CDC73: variants seen among roughly 807,000 people sequenced by gnomAD.
CDC73 encodes parafibromin.
A neutral mutation model predicts 83.7 loss-of-function variants in CDC73; 21 were observed. That is an observed-to-expected ratio of 0.25 (90% CI 0.18 to 0.36). CDC73 has a LOEUF of 0.36. Ranked by LOEUF, CDC73 falls within the 10% of genes least tolerant of loss-of-function variation. CDC73 has a pLI of 1.00. For synonymous variants in CDC73, 224 were observed against 212.9 expected, an observed-to-expected ratio of 1.05 and a Z score of -0.45; for missense variants, 342 against 653.3, an observed-to-expected ratio of 0.52 and a Z score of 5.19.
In CDC73 at chr1:193,185,065, C is replaced by T. The variant is rs566850799; in HGVS notation, c.973-18730C>T. ...TGTGCCCTGCACACACATATAGTGG[C>T]GGTAGTTCATTACTGCATATTAATA... On this transcript the variant is annotated intron_variant, in intron 10 of 16. Coordinates refer to ENST00000367435, the MANE Select transcript of CDC73 (RefSeq NM_024529.5). Among the ~76,000 whole-genome samples, 48 of 152,002 alleles carry T rather than the reference C, an allele frequency of 3.2e-4. 1 individual carries two copies. Among genetic ancestry groups the T allele is most frequent in the African/African-American group, 9.6e-4 (40 of 41,530 alleles).
At chr1:193,125,393 G>A (rs375074777) in intron 2 of CDC73, among the ~76,000 whole-genome samples, 176 bp downstream of exon 2, 75 of 152,128 alleles carry the variant, frequency 4.9e-4, no homozygotes, top group African/African-American at 1.7e-3. Flanking sequence ...AAGTAGCCAG[G>A]ACTGCAGGCC....
At chr1:193,141,368 G>A (rs758540732) in intron 6 of CDC73, among the ~76,000 whole-genome samples, 13 of 152,124 alleles carry the variant, frequency 8.5e-5, no homozygotes, top group Non-Finnish European at 1.6e-4. Context: ...GTATGTTTTT[G>A]TGGCATATAA....
chr1:193,173,614 G>A (rs769011852), intron 10 of CDC73, among the ~76,000 whole-genome samples: 4 of 152,090 alleles, frequency 2.6e-5, no homozygotes, highest in Non-Finnish European at 2.9e-5. Context: ...CATAAATTGC[G>A]TTTAGTTGTT....
At chr1:193,193,023 A>G (rs1676945027) in intron 10 of CDC73, among the ~76,000 whole-genome samples, 1 of 152,178 alleles carries the variant, frequency 6.6e-6, no homozygotes, top group Non-Finnish European at 1.5e-5. Flanking sequence ...CCGGCCTTCC[A>G]AGAAGGTTTG....
intron 10 of CDC73, among the ~76,000 whole-genome samples, chr1:193,176,936 G>C (rs1034183674): frequency 1.3e-5 from 2 of 152,136 alleles, no homozygotes; most frequent in African/African-American, 4.8e-5. Flanking sequence ...AGAAGCAAGA[G>C]ATAAGCAGTA....
chr1:193,215,409 AT>A, intron 13 of CDC73, among the ~76,000 whole-genome samples: 1 of 152,292 alleles, frequency 6.6e-6, no homozygotes, highest in Middle Eastern at 3.4e-3. Flanking sequence ...TACCTCTGCC[AT>A]TTAGTTGCAG....
intron 15 of CDC73, among the ~76,000 whole-genome samples, chr1:193,237,264 T>C (rs1677777579): frequency 6.6e-6 from 1 of 152,110 alleles, no homozygotes; most frequent in African/African-American, 2.4e-5. Flanking sequence ...CCATCATTTT[T>C]CCTTAGAAAA....
chr1:193,128,993 ATTTTTTTTT>A (rs756040512), intron 2 of CDC73, among the ~76,000 whole-genome samples: 3 of 128,940 alleles, frequency 2.3e-5, no homozygotes, highest in Non-Finnish European at 4.9e-5. Flanking sequence ...CGCCCGGCTA[ATTTTTTTTT>A]TTTTTTTTTT....
chr1:193,135,301 A>G, intron 3 of CDC73, 90 bp from the exon 4 acceptor site: 2 of 1,044,670 alleles, frequency 1.9e-6, no homozygotes, highest in Non-Finnish European at 3.0e-6. Flanking sequence ...ATATAGAAGT[A>G]TATAAAAAAC....
chr1:193,244,065 G>A (rs542215955), intron 15 of CDC73, among the ~76,000 whole-genome samples: 2 of 152,204 alleles, frequency 1.3e-5, no homozygotes, highest in South Asian at 4.1e-4. Context: ...TAAAAAATTG[G>A]GGGGAAAAAG....
intron 15 of CDC73, among the ~76,000 whole-genome samples, chr1:193,243,630 A>G (rs191878244): frequency 2.0e-3 from 310 of 152,302 alleles, no homozygotes; most frequent in African/African-American, 7.2e-3. Flanking sequence ...CAGAATGGAA[A>G]TGATTAAAAT....
intron 3 of CDC73, among the ~76,000 whole-genome samples, chr1:193,130,696 C>T (rs999153663): frequency 6.6e-6 from 1 of 152,152 alleles, no homozygotes; most frequent in African/African-American, 2.4e-5. Flanking sequence ...TTGTTTCTTT[C>T]TTGAAGCCAC....
At chr1:193,171,006 C>T (rs1676509454) in intron 10 of CDC73, among the ~76,000 whole-genome samples, 2 of 152,190 alleles carry the variant, frequency 1.3e-5, no homozygotes, top group South Asian at 4.1e-4. Flanking sequence ...GTTTACCCCT[C>T]CAGAGAAAAG....
intron 13 of CDC73, among the ~76,000 whole-genome samples, chr1:193,213,175 C>T (rs1457785200): frequency 2.0e-5 from 3 of 152,088 alleles, no homozygotes; most frequent in Non-Finnish European, 1.5e-5. Flanking sequence ...AATATTGTGA[C>T]TATTTTTAAA....
At position 193,254,125 on chromosome 1, in the gene CDC73, A is replaced by G. The variant is rs1403810676; in HGVS notation, c.*3413A>G. 6.6e-6 allele frequency among the ~76,000 whole-genome samples: 1 copy of G among 151,826 alleles called. No individual in the cohort carries two copies. The highest frequency in any genetic ancestry group is 1.5e-5 in the Non-Finnish European group (1 of 67,850). On this transcript the variant is annotated 3_prime_UTR_variant, in exon 17 of 17. Transcript: ENST00000367435. ...TTATGAGTAAGATAAGTCTTTTTAA[A>G]TTTTTTATTTTTAATTTTTTTGGAA...
chr1:193,232,625 G>A (rs898040118), intron 13 of CDC73, among the ~76,000 whole-genome samples: 1 of 152,086 alleles, frequency 6.6e-6, no homozygotes, highest in Non-Finnish European at 1.5e-5. Context: ...ATTTCAGACC[G>A]GGCGTGGTGG....
Position 193,150,331 on chromosome 1 carries a change from A to G in CDC73, c.856A>G (p.Ile286Val), listed in dbSNP as rs1362923384. ...TCCCACTTTGCGCACCAAACAGCCTATCCCAGCTGCCTATAACAGATACGA... is the reference window on the plus strand; with the variant it reads ...TCCCACTTTGCGCACCAAACAGCCTGTCCCAGCTGCCTATAACAGATACGA... ...VDPTLRTKQP[I>V]PAAYNRYDQE... Residue 286 changes from isoleucine (I) to valine (V), a missense_variant, in exon 9 of 17, where the codon ATC becomes GTC. By Grantham distance (29) the Ile-to-Val change is conservative. Transcript: ENST00000367435. The G allele has an allele frequency of 2.5e-6, 4 of 1,613,388 alleles. No homozygotes were observed. Among genetic ancestry groups the G allele is most frequent in the Admixed American group, 3.3e-5 (2 of 60,016 alleles).
At chr1:193,193,061 C>T (rs889733555) in intron 10 of CDC73, among the ~76,000 whole-genome samples, 35 of 152,246 alleles carry the variant, frequency 2.3e-4, no homozygotes, top group Middle Eastern at 6.8e-3. Context: ...TATAATTTCT[C>T]CCACCACCCT....
At chr1:193,128,316 C>T (rs981923682) in intron 2 of CDC73, among the ~76,000 whole-genome samples, 10 of 151,516 alleles carry the variant, frequency 6.6e-5, no homozygotes, top group African/African-American at 1.9e-4. Context: ...TTTTTTGAGA[C>T]AGAGTCTTGC....
Sources: allele counts gnomAD v4.1 joint callset (sites outside exome capture counted in the v4.1 genomes callset), GRCh38; gene constraint gnomAD v4.1.1; transcripts MANE v1.5; gene names NCBI Gene and HGNC (gene_info 2026-07-23, HGNC 2026-07-21).